ALLC: variants seen among roughly 807,000 people sequenced by gnomAD.
ALLC encodes allantoicase.
ALLC carries 40 observed loss-of-function variants against 45.0 expected under a neutral mutation model. That is an observed-to-expected ratio of 0.89 (90% CI 0.69 to 1.16). ALLC has a LOEUF of 1.16. Among genes scored for constraint, ALLC ranks in the 50% most tolerant of loss-of-function variants. ALLC has a pLI of 0.00. For missense variants in ALLC, 488 were observed against 493.1 expected (o/e 0.99, Z 0.10); for synonymous variants, 176 against 178.1 (o/e 0.99, Z 0.09).
chr2:3,655,322 G>C (rs1666415815), upstream of ALLC, among the ~76,000 whole-genome samples: 1 of 152,388 alleles, frequency 6.6e-6, no homozygotes, highest in African/African-American at 2.4e-5. Flanking sequence ...AATGGGGCGT[G>C]GATGCAGGTG....
chr2:3,686,511 T>C lies in ALLC; in HGVS notation c.511+3437T>C, dbSNP rs1448665499. On this transcript the variant is annotated intron_variant, in intron 7 of 11. Coordinates refer to ENST00000252505, the MANE Select transcript of ALLC (RefSeq NM_018436.4). ...GTATTTTAATAGGGATTGAATTGAA[T>C]CTGTAAATTGCTTTGGATAGTACTG... is the stretch of plus-strand genomic sequence containing the variant. Among the ~76,000 whole-genome samples, 4 of 151,234 alleles carry C rather than the reference T, an allele frequency of 2.6e-5. 1 individual carries two copies. In the East Asian group the frequency reaches 5.9e-4, roughly 22 times the overall value.
chr2:3,653,337 T>C (rs1292490447), upstream of ALLC, among the ~76,000 whole-genome samples: 1 of 152,174 alleles, frequency 6.6e-6, no homozygotes, highest in East Asian at 1.9e-4. This position sits in a 1 kb window ranked among gnomAD's most constrained non-coding sequence, Gnocchi z 4.1. Flanking sequence ...TTGCCACTTG[T>C]GTGAAGGAAG....
At chr2:3,659,016 T>G (rs1666506903) in intron 1 of ALLC, among the ~76,000 whole-genome samples, 1 of 152,176 alleles carries the variant, frequency 6.6e-6, no homozygotes, top group Non-Finnish European at 1.5e-5. Flanking sequence ...CAGTTGACCT[T>G]GGGCTGCTCA....
intron 2 of ALLC, among the ~76,000 whole-genome samples, chr2:3,673,217 C>T (rs933380759): frequency 5.3e-5 from 8 of 152,214 alleles, no homozygotes; most frequent in African/African-American, 1.2e-4. Context: ...TTCAAGAACA[C>T]GCTGCGCGTT....
At chr2:3,651,088 G>GT in the ALLC span, among the ~76,000 whole-genome samples, 2 of 152,118 alleles carry the variant, frequency 1.3e-5, no homozygotes, top group African/African-American at 4.8e-5. Context: ...TGGCACGCGT[G>GT]TATTTCTCAG....
chr2:3,690,016 C>T (rs1202349143), intron 7 of ALLC, among the ~76,000 whole-genome samples: 2 of 146,690 alleles, frequency 1.4e-5, no homozygotes, highest in African/African-American at 2.5e-5. Context: ...TACTCCTGCT[C>T]TTTTTTGGCC....
intron 1 of ALLC, among the ~76,000 whole-genome samples, chr2:3,662,382 G>A (rs1173084651): frequency 1.3e-5 from 2 of 152,232 alleles, no homozygotes; most frequent in East Asian, 3.8e-4. Flanking sequence ...AGGCCCCGCA[G>A]GCAGTTCTTT....
At chr2:3,675,366 G>A (rs370481866) in intron 3 of ALLC, among the ~76,000 whole-genome samples, 1 of 145,158 alleles carries the variant, frequency 6.9e-6, no homozygotes, top group African/African-American at 2.6e-5. Context: ...CTCCAGCCTG[G>A]GTGACAGAGT....
chr2:3,668,742 A>AT (rs1247804384), intron 1 of ALLC, among the ~76,000 whole-genome samples: 2 of 150,780 alleles, frequency 1.3e-5, no homozygotes, highest in African/African-American at 4.9e-5. Flanking sequence ...CGCCTGGCTG[A>AT]TTTTTTTATT....
chr2:3,694,940 A>G (rs1667622194), intron 7 of ALLC: 1 of 152,184 alleles, frequency 6.6e-6, no homozygotes, highest in Non-Finnish European at 1.5e-5. Flanking sequence ...TTTGGTAGCT[A>G]TTTGCTGCTC....
At chr2:3,701,658 G>A in intron 11 of ALLC, 22 bp downstream of exon 11, 1 of 1,605,758 alleles carries the variant, frequency 6.2e-7, no homozygotes, top group Non-Finnish European at 8.5e-7. Context: ...ATGTTATTCG[G>A]ATCCAGCACT....
intron 3 of ALLC, 146 bp downstream of exon 3, chr2:3,674,271 C>G: frequency 1.4e-6 from 1 of 702,202 alleles, no homozygotes; most frequent in Non-Finnish European, 2.5e-6. Context: ...GAAAGACATG[C>G]AAATCAGCAT....
chr2:3,666,387 C>T (rs1398831910), intron 1 of ALLC, among the ~76,000 whole-genome samples: 1 of 152,218 alleles, frequency 6.6e-6, no homozygotes. Context: ...GTGACTGGCC[C>T]AGCACTGCGT....
At chr2:3,670,579 A>T (rs1370614454) in intron 1 of ALLC, among the ~76,000 whole-genome samples, 1 of 152,106 alleles carries the variant, frequency 6.6e-6, no homozygotes, top group Non-Finnish European at 1.5e-5. Flanking sequence ...TCTGTGGCTC[A>T]GTCTCTGCTG....
chr2:3,678,449 G>C lies in ALLC; in HGVS notation c.85-19G>C, dbSNP rs1667083081. Reference sequence around the variant, plus strand: ...TCACATGAATGTTAATGATCACCTTGTTGTGGTCTTTGCCCTAGAGTGACA... The same window carrying C: ...TCACATGAATGTTAATGATCACCTTCTTGTGGTCTTTGCCCTAGAGTGACA... On this transcript the variant is annotated intron_variant, in intron 3 of 11. Transcript: ENST00000252505. The C allele has an allele frequency of 1.2e-6, 2 of 1,600,874 alleles. No homozygotes were observed. Among genetic ancestry groups the C allele is most frequent in the Non-Finnish European group, 8.6e-7 (1 of 1,168,138 alleles).
At chr2:3,686,893 A>ACTT (rs1667346145) in intron 7 of ALLC, among the ~76,000 whole-genome samples, 1 of 150,764 alleles carries the variant, frequency 6.6e-6, no homozygotes, top group African/African-American at 2.4e-5. Context: ...AAGAAGGAGA[A>ACTT]CTTCACTTCT....
At chr2:3,666,677 C>A (rs745990715) in intron 1 of ALLC, among the ~76,000 whole-genome samples, 5 of 152,368 alleles carry the variant, frequency 3.3e-5, no homozygotes, top group East Asian at 1.9e-4. Flanking sequence ...GAGCACGCCG[C>A]GATGCTGCTA....
intron 5 of ALLC, among the ~76,000 whole-genome samples, chr2:3,681,048 G>T (rs907865205): frequency 6.6e-6 from 1 of 152,188 alleles, no homozygotes; most frequent in South Asian, 2.1e-4. Context: ...AGTCAATGTG[G>T]GTTGGCAAGT....
chr2:3,664,404 A>G (rs1180211421), intron 1 of ALLC, among the ~76,000 whole-genome samples: 2 of 152,164 alleles, frequency 1.3e-5, no homozygotes, highest in Non-Finnish European at 2.9e-5. Flanking sequence ...TGGCCAAGAG[A>G]ATAATAAAAA....
Sources: allele counts gnomAD v4.1 joint callset (sites outside exome capture counted in the v4.1 genomes callset), GRCh38; gene constraint gnomAD v4.1.1; non-coding constraint Gnocchi (gnomAD v3.1); transcripts MANE v1.5; gene names NCBI Gene and HGNC (gene_info 2026-07-23, HGNC 2026-07-21).